Variants in RAF1 observed in about 807,000 individuals in gnomAD.
RAF1 encodes Raf-1 proto-oncogene, serine/threonine kinase.
A neutral mutation model predicts 81.1 loss-of-function variants in RAF1; 27 were observed. The ratio of observed to expected loss-of-function variants is 0.33; its 90% confidence interval spans 0.25 to 0.46. RAF1 has a LOEUF of 0.46. Ranked by LOEUF, RAF1 falls within the 20% of genes least tolerant of loss-of-function variation. The pLI, the probability that RAF1 is intolerant of heterozygous loss-of-function variation, is 1.00. For synonymous variants in RAF1, 298 were observed against 294.0 expected, an observed-to-expected ratio of 1.01 and a Z score of -0.14; for missense variants, 598 against 826.0, an observed-to-expected ratio of 0.72 and a Z score of 3.38.
At chr3:12,629,374 AC>A (rs1281169262) in intron 1 of RAF1, among the ~76,000 whole-genome samples, 4 of 152,188 alleles carry the variant, frequency 2.6e-5, no homozygotes, top group Non-Finnish European at 4.4e-5. Flanking sequence ...AGATATATCC[AC>A]CAAAAAATAA....
intron 1 of RAF1, among the ~76,000 whole-genome samples, chr3:12,651,806 T>C (rs1404878714): frequency 6.6e-6 from 1 of 151,220 alleles, no homozygotes; most frequent in African/African-American, 2.4e-5. Flanking sequence ...GGTCAGGAGG[T>C]TGAGACCAGC....
chr3:12,662,338 TAAAAAAAA>T lies in RAF1; in HGVS notation c.-27+1467_-27+1474del, dbSNP rs61275660. Among the ~76,000 whole-genome samples the T allele has an allele frequency of 8.1e-3, 812 of 100,616 alleles. 4 individuals are homozygous for T. Among genetic ancestry groups the T allele is most frequent in the African/African-American group, 0.031 (763 of 24,860 alleles). The allele number at this position is 100,616 out of a possible 152,430, so 66.0% of individuals were successfully genotyped here. On this transcript the variant is annotated intron_variant, in intron 1 of 17. Coordinates refer to ENST00000442415, the MANE Select transcript of RAF1 (RefSeq NM_001354689.3). ...GCGACAGAGTGAGATCCTGTTCCTT[TAAAAAAAA>T]AAAAAAAAAAAAAAAAAAAAAAAAA...
At chr3:12,631,631 G>A (rs900605052) in intron 1 of RAF1, among the ~76,000 whole-genome samples, 10 of 152,194 alleles carry the variant, frequency 6.6e-5, no homozygotes, top group African/African-American at 2.2e-4. Flanking sequence ...CAATTGTTCA[G>A]TAGTGTTTGT....
rs1440964132 is a variant in RAF1, at chr3:12,584,569, G to C, written c.1952C>G (p.Thr651Ser). The stretch of plus-strand genomic sequence containing the variant: ...CAGCGTGCAAGCATTGATATCCTCA[G>C]TGTGGGCTGCCCGATGCAAGGATGG... The change falls in exon 18 of 18, where the codon ACT becomes AGT. Residue 651 changes from threonine (T) to serine (S), a missense_variant. Transcript: ENST00000442415. 2 of 1,614,180 alleles carry C rather than the reference G, an allele frequency of 1.2e-6. No individual in the cohort carries two copies. Among genetic ancestry groups the C allele is most frequent in the Admixed American group, 3.3e-5 (2 of 60,024 alleles).
chr3:12,593,322 C>G (rs1022034178), intron 11 of RAF1, among the ~76,000 whole-genome samples: 3 of 152,112 alleles, frequency 2.0e-5, no homozygotes, highest in African/African-American at 7.2e-5. Context: ...CTCAAATGAT[C>G]TGCCTGCCTC....
chr3:12,609,401 A>G lies in RAF1; in HGVS notation c.321-66T>C, dbSNP rs1401192971. 8 of 1,062,760 alleles carry G rather than the reference A, an allele frequency of 7.5e-6. No individual in the cohort carries two copies. The African/African-American group carries it at 9.3e-5, about 12-fold the overall frequency. The allele number at this position is 1,062,760 out of a possible 1,614,324, so 65.8% of individuals were successfully genotyped here. On this transcript the variant is annotated intron_variant, in intron 3 of 17. Coordinates refer to ENST00000442415, the MANE Select transcript of RAF1 (RefSeq NM_001354689.3). ...ATCAAAGTTCAATAGAAATAACAAC[A>G]GCTACCATTTATCACATGCCATATA...
At chr3:12,648,268 G>C (rs1425305114) in intron 1 of RAF1, among the ~76,000 whole-genome samples, 1 of 126,454 alleles carries the variant, frequency 7.9e-6, no homozygotes, top group East Asian at 2.3e-4. Flanking sequence ...TATTCAGATA[G>C]CCAAGTAACA....
chr3:12,620,323 TG>T (rs1347273690), intron 1 of RAF1, among the ~76,000 whole-genome samples: 1 of 151,988 alleles, frequency 6.6e-6, no homozygotes, highest in Admixed American at 6.6e-5. Context: ...TTAGTAGAGA[TG>T]GGGTTGGCCA....
chr3:12,625,215 C>G (rs2125476513), intron 1 of RAF1, among the ~76,000 whole-genome samples: 1 of 152,138 alleles, frequency 6.6e-6, no homozygotes, highest in Non-Finnish European at 1.5e-5. Flanking sequence ...TCCCAAGTAG[C>G]TGGGATCACA....
intron 7 of RAF1, 69 bp downstream of exon 7, chr3:12,604,067 A>C: frequency 6.3e-7 from 1 of 1,580,758 alleles, no homozygotes. Context: ...GAAACCCAAA[A>C]CTCTGAAATA....
At chr3:12,621,889 T>G (rs981982929) in intron 1 of RAF1, among the ~76,000 whole-genome samples, 1 of 152,176 alleles carries the variant, frequency 6.6e-6, no homozygotes, top group African/African-American at 2.4e-5. Flanking sequence ...AATAAATAAA[T>G]GGATGGGGAA....
At chr3:12,591,254 GGAGGTCAC>G (rs2058506514) in intron 12 of RAF1, among the ~76,000 whole-genome samples, 1 of 152,086 alleles carries the variant, frequency 6.6e-6, no homozygotes, top group Non-Finnish European at 1.5e-5. Flanking sequence ...ACCCTCCTGT[GGAGGTCAC>G]AAGGACTCCT....
intron 1 of RAF1, among the ~76,000 whole-genome samples, chr3:12,633,362 A>G (rs2059917945): frequency 6.6e-6 from 1 of 151,836 alleles, no homozygotes; most frequent in Non-Finnish European, 1.5e-5. Flanking sequence ...GAACGCCTGT[A>G]CTCCCAGGTA....
intron 2 of RAF1, among the ~76,000 whole-genome samples, chr3:12,615,996 G>A (rs2059357646): frequency 6.6e-6 from 1 of 152,070 alleles, no homozygotes; most frequent in Non-Finnish European, 1.5e-5. Context: ...AGGTTGCAGT[G>A]AGCCGAGATT....
chr3:12,646,650 A>AAG (rs2125549613), intron 1 of RAF1, among the ~76,000 whole-genome samples: 1 of 151,556 alleles, frequency 6.6e-6, no homozygotes, highest in East Asian at 2.0e-4. Flanking sequence ...TCCCGGGTTC[A>AAG]CATGATTCTC....
chr3:12,627,442 C>T (rs964548748), intron 1 of RAF1, among the ~76,000 whole-genome samples: 8 of 152,132 alleles, frequency 5.3e-5, no homozygotes, highest in African/African-American at 9.7e-5. Context: ...TAAAAAATTA[C>T]TACATGGGCC....
intron 13 of RAF1, chr3:12,589,919 T>C (rs955080568): frequency 3.3e-5 from 5 of 150,544 alleles, no homozygotes; most frequent in African/African-American, 1.2e-4. Flanking sequence ...GCCTCCCGAG[T>C]AGCTGGGATT....
intron 1 of RAF1, among the ~76,000 whole-genome samples, chr3:12,658,466 G>C (rs2060768998): frequency 6.6e-6 from 1 of 152,114 alleles, no homozygotes; most frequent in South Asian, 2.1e-4. Context: ...GCCAGGTGTG[G>C]TGGCGCATGC....
At chr3:12,632,802 T>C (rs949933289) in intron 1 of RAF1, among the ~76,000 whole-genome samples, 6 of 152,164 alleles carry the variant, frequency 3.9e-5, no homozygotes, top group Non-Finnish European at 8.8e-5. Context: ...TCTTCAAACC[T>C]TGTAATGACA....
Sources: allele counts gnomAD v4.1 joint callset (sites outside exome capture counted in the v4.1 genomes callset), GRCh38; gene constraint gnomAD v4.1.1; transcripts MANE v1.5; gene names NCBI Gene and HGNC (gene_info 2026-07-23, HGNC 2026-07-21).